CFAP77: variants seen among roughly 807,000 people sequenced by gnomAD.
CFAP77 encodes the protein cilia- and flagella-associated protein 77.
A neutral mutation model predicts 31.1 loss-of-function variants in CFAP77; 25 were observed. The observed-to-expected ratio is 0.80, with a 90% CI of 0.59 to 1.12. The LOEUF (loss-of-function observed/expected upper bound fraction) is 1.12. Ranked by LOEUF, CFAP77 falls within the 50% of genes most tolerant of loss-of-function variation. The pLI, the probability that CFAP77 is intolerant of heterozygous loss-of-function variation, is 0.00. For missense variants in CFAP77, 377 were observed against 397.3 expected, an observed-to-expected ratio of 0.95 and a Z score of 0.44; for synonymous variants, 151 against 159.9, an observed-to-expected ratio of 0.94 and a Z score of 0.42.
intron 3 of CFAP77, among the ~76,000 whole-genome samples, chr9:132,520,724 C>T (rs546571942): frequency 3.8e-4 from 58 of 152,314 alleles, no homozygotes; most frequent in Non-Finnish European, 6.0e-4. Context: ...CCAGGAGGAT[C>T]CCCAGCCCTC....
At chr9:132,536,340 C>T (rs1852542707) in intron 3 of CFAP77, among the ~76,000 whole-genome samples, 1 of 149,964 alleles carries the variant, frequency 6.7e-6, no homozygotes, top group African/African-American at 2.4e-5. Context: ...GGTTACTGTA[C>T]AAAATGGGCT....
intron 1 of CFAP77, among the ~76,000 whole-genome samples, chr9:132,458,357 G>GTGGTGT (rs1554738861): frequency 8.4e-6 from 1 of 119,046 alleles, no homozygotes; most frequent in Admixed American, 9.8e-5. Context: ...GAGGGGGGGG[G>GTGGTGT]GTGTGTATGG....
At chr9:132,503,074 C>G (rs565837185) in intron 3 of CFAP77, among the ~76,000 whole-genome samples, 3 of 152,314 alleles carry the variant, frequency 2.0e-5, no homozygotes, top group South Asian at 2.1e-4. Flanking sequence ...CCCAGAAATG[C>G]ATTTCTATTC....
At chr9:132,453,277 C>A (rs2131716282) in intron 1 of CFAP77, among the ~76,000 whole-genome samples, 2 of 152,314 alleles carry the variant, frequency 1.3e-5, no homozygotes, top group Middle Eastern at 6.8e-3. Flanking sequence ...GTAATCCTAG[C>A]ACTTTGGGAG....
intron 5 of CFAP77, among the ~76,000 whole-genome samples, chr9:132,556,425 C>G (rs1852906315): frequency 6.6e-6 from 1 of 152,188 alleles, no homozygotes; most frequent in Non-Finnish European, 1.5e-5. Context: ...GACCCCCTCC[C>G]CGGCGGCTCA....
chr9:132,466,044 CAG>C (rs539873001), intron 1 of CFAP77, among the ~76,000 whole-genome samples: 159 of 152,300 alleles, frequency 1.0e-3, no homozygotes, highest in Non-Finnish European at 2.0e-3. Context: ...AGCTATGTCA[CAG>C]AGGATTCTTG....
At chr9:132,435,525 A>T (rs1850491136) in intron 1 of CFAP77, among the ~76,000 whole-genome samples, 1 of 152,170 alleles carries the variant, frequency 6.6e-6, no homozygotes, top group South Asian at 2.1e-4. Context: ...AGGAATCTGA[A>T]TGCTTTTCAG....
intron 3 of CFAP77, among the ~76,000 whole-genome samples, chr9:132,510,318 T>C (rs1042537455): frequency 5.3e-5 from 8 of 152,230 alleles, no homozygotes; most frequent in Admixed American, 2.0e-4. Context: ...GCGAAAGCCC[T>C]TCTGGGAGCC....
chr9:132,546,464 C>T (rs923808164), intron 5 of CFAP77, among the ~76,000 whole-genome samples: 1 of 152,212 alleles, frequency 6.6e-6, no homozygotes, highest in Non-Finnish European at 1.5e-5. Flanking sequence ...GGACTCTCCC[C>T]GCTCACGAGC....
At chr9:132,544,512 T>TTA (rs1491032082) in intron 5 of CFAP77, among the ~76,000 whole-genome samples, 129 of 134,222 alleles carry the variant, frequency 9.6e-4, no homozygotes, top group Non-Finnish European at 1.7e-3. Flanking sequence ...TTTTTTTTTT[T>TTA]TAAGGCTGGG....
chr9:132,433,713 A>G (rs1850454088), intron 1 of CFAP77, among the ~76,000 whole-genome samples: 1 of 151,816 alleles, frequency 6.6e-6, no homozygotes, highest in Admixed American at 6.6e-5. Context: ...ATGCCCAGCT[A>G]ATTTTTGTAT....
At chr9:132,414,613 C>T (rs562341379) in intron 1 of CFAP77, among the ~76,000 whole-genome samples, 1 of 151,942 alleles carries the variant, frequency 6.6e-6, no homozygotes, top group South Asian at 2.1e-4. Context: ...AGCTGCATTG[C>T]CCGGAAGAGT....
intron 3 of CFAP77, among the ~76,000 whole-genome samples, chr9:132,503,582 C>G (rs1055117735): frequency 6.6e-6 from 1 of 152,190 alleles, no homozygotes; most frequent in African/African-American, 2.4e-5. Context: ...GCCTCCTCAG[C>G]TTGGGTCTAA....
At chr9:132,556,257 G>A (rs769523600) in intron 5 of CFAP77, among the ~76,000 whole-genome samples, 5 of 152,104 alleles carry the variant, frequency 3.3e-5, no homozygotes, top group Non-Finnish European at 7.3e-5. Flanking sequence ...TAGTCTTCAC[G>A]ATAAAAGAAA....
chr9:132,539,005 T>C lies in CFAP77; in HGVS notation c.630+1299T>C, dbSNP rs1186519008. Reference sequence around the variant, plus strand: ...GGGAGGCTGAGGCAAGAGAGTTGCTTGGACCCAGGAGGTGGAGGTTGCAGT... The same window carrying C: ...GGGAGGCTGAGGCAAGAGAGTTGCTCGGACCCAGGAGGTGGAGGTTGCAGT... On this transcript the variant is annotated intron_variant, in intron 4 of 5. Coordinates refer to ENST00000393216, the MANE Select transcript of CFAP77 (RefSeq NM_001282957.2). This position sits in a 1 kb window ranked among gnomAD's most constrained non-coding sequence, Gnocchi z 4.3. Among the ~76,000 whole-genome samples the C allele has an allele frequency of 6.6e-6, 1 of 152,016 alleles. No individual in the cohort carries two copies. Among genetic ancestry groups the C allele is most frequent in the Non-Finnish European group, 1.5e-5 (1 of 68,010 alleles).
rs1226442655 is a variant in CFAP77, at chr9:132,498,994, C to T, written c.295+200C>T. ...GAGGGCCAAGCAGGGCCCTGGTGTG[C>T]GGTGTCAGGGAACTAGCATGGGTAT... On this transcript the variant is annotated intron_variant, in intron 2 of 5. Transcript: ENST00000393216. The surrounding 1 kb of genome is among the most constrained non-coding windows in gnomAD (Gnocchi z 4.2). Among the ~76,000 whole-genome samples, 3 of 152,088 alleles carry T rather than the reference C, an allele frequency of 2.0e-5. No individual in the cohort carries two copies. The highest frequency in any genetic ancestry group is 1.5e-5 in the Non-Finnish European group (1 of 68,012).
rs200963844 is a variant in CFAP77 at position 132,410,404 on chromosome 9, A to G, written c.133A>G (p.Met45Val). The G allele has an allele frequency of 1.2e-6, 2 of 1,602,206 alleles. No homozygotes were observed. Among genetic ancestry groups the G allele is most frequent in the East Asian group, 2.3e-5 (1 of 43,296 alleles). Residue 45 changes from methionine (M) to valine (V), a missense_variant, in exon 1 of 6, where the codon ATG becomes GTG. Physicochemically the swap from Met to Val is conservative, Grantham distance 21. Coordinates refer to ENST00000393216, the MANE Select transcript of CFAP77 (RefSeq NM_001282957.2). ...PLTVADIRSG[M>V]ENERLGVVRD... is the part of the protein sequence containing the mutation. The stretch of plus-strand genomic sequence containing the variant: ...GACCGTGGCGGACATCCGTTCCGGC[A>G]TGGAGAACGAGCGGCTGGGGGTCGT...
chr9:132,563,495 C>T (rs1014631763), intron 5 of CFAP77, among the ~76,000 whole-genome samples: 1 of 152,184 alleles, frequency 6.6e-6, no homozygotes, highest in Non-Finnish European at 1.5e-5. Context: ...GGTGTTCCAC[C>T]CTCTGAATTC....
intron 1 of CFAP77, among the ~76,000 whole-genome samples, chr9:132,489,186 C>G (rs1564224769): frequency 6.6e-6 from 1 of 152,170 alleles, no homozygotes; most frequent in African/African-American, 2.4e-5. Context: ...TAAGGAGTGC[C>G]TCTTAAAAGA....
Sources: allele counts gnomAD v4.1 joint callset (sites outside exome capture counted in the v4.1 genomes callset), GRCh38; gene constraint gnomAD v4.1.1; non-coding constraint Gnocchi (gnomAD v3.1); transcripts MANE v1.5; gene names NCBI Gene and HGNC (gene_info 2026-07-23, HGNC 2026-07-21).